HTR2C: variants seen among roughly 807,000 people sequenced by gnomAD.
The protein encoded by HTR2C is 5-hydroxytryptamine receptor 2C.
Under a neutral mutation model 21.0 loss-of-function variants are expected in HTR2C, and 5 were observed. The observed-to-expected ratio is 0.24, with a 90% CI of 0.12 to 0.50. The LOEUF (loss-of-function observed/expected upper bound fraction) is 0.50. Among genes scored for constraint, HTR2C ranks in the 20% least tolerant of loss-of-function variants. The pLI, the probability that HTR2C is intolerant of heterozygous loss-of-function variation, is 0.98. For synonymous variants in HTR2C, 150 were observed against 145.3 expected (o/e 1.03, Z -0.23); for missense variants, 271 against 371.2 (o/e 0.73, Z 2.22).
At chrX:114,717,622 A>G (rs1220959262) in intron 2 of HTR2C, 1 of 112,005 alleles carries the variant, frequency 8.9e-6, no homozygotes, top group Non-Finnish European at 1.9e-5. Flanking sequence ...GTGTGAGAGC[A>G]GAAAACGTGA....
At chrX:114,822,149 A>T (rs1226534809) in intron 4 of HTR2C, among the ~76,000 whole-genome samples, 1 of 111,740 alleles carries the variant, frequency 8.9e-6, no homozygotes, top group African/African-American at 3.2e-5. Context: ...GCCTGGCAAG[A>T]TTAAATATAC....
intron 2 of HTR2C, among the ~76,000 whole-genome samples, chrX:114,654,240 AC>A (rs1293926657): frequency 9.2e-6 from 1 of 108,362 alleles, no homozygotes; most frequent in Non-Finnish European, 1.9e-5. Flanking sequence ...AACTTAAAAA[AC>A]AATAAAATAA....
chrX:114,804,088 T>C (rs1365579889), intron 4 of HTR2C, among the ~76,000 whole-genome samples: 2 of 111,530 alleles, frequency 1.8e-5, no homozygotes, highest in Admixed American at 9.6e-5. Context: ...GGTGGGATAA[T>C]TGTAAAGCTG....
chrX:114,597,217 C>CTA (rs1569476320), intron 1 of HTR2C, among the ~76,000 whole-genome samples: 1 of 36,740 alleles, frequency 2.7e-5, no homozygotes, highest in African/African-American at 1.3e-4. Context: ...GATTTCATCT[C>CTA]CAAAAAAAAA....
At chrX:114,678,016 A>G (rs1299329379) in intron 2 of HTR2C, among the ~76,000 whole-genome samples, 1 of 110,660 alleles carries the variant, frequency 9.0e-6, no homozygotes, top group African/African-American at 3.3e-5. Context: ...CTGCTTTGAA[A>G]CAACGACATT....
chrX:114,588,514 G>A (rs1358160512), intron 1 of HTR2C, among the ~76,000 whole-genome samples: 1 of 111,840 alleles, frequency 8.9e-6, no homozygotes, highest in Non-Finnish European at 1.9e-5. Context: ...TGAGCTCAAT[G>A]TAAAAATAAA....
chrX:114,716,893 T>C (rs1933009570), intron 2 of HTR2C, among the ~76,000 whole-genome samples: 2 of 111,487 alleles, frequency 1.8e-5, no homozygotes, highest in South Asian at 7.5e-4. Context: ...TCATTTTTGA[T>C]TTAGACATCT....
Position 114,908,641 on chromosome X carries a change from G to C in HTR2C, c.*1226G>C, listed in dbSNP as rs1556487896. 8.9e-6 allele frequency: 1 copy of C among 112,745 alleles called. No individual in the cohort carries two copies. Among genetic ancestry groups the C allele is most frequent in the East Asian group, 2.8e-4 (1 of 3,581 alleles). 9.3% of individuals were successfully genotyped at this position (112,745 alleles called of 1,213,427 possible). A position where few individuals can be genotyped will look rare whatever the true frequency, so the allele number is the denominator to read the frequency against. The stretch of plus-strand genomic sequence containing the variant: ...TGCAGGAAAAGGCTGCAGCTAATTT[G>C]TGAAAGTGGCAAGCTCTTCATTGCA... On this transcript the variant is annotated 3_prime_UTR_variant, in exon 6 of 6. Coordinates refer to ENST00000276198, the MANE Select transcript of HTR2C (RefSeq NM_000868.4).
At chrX:114,659,881 A>G (rs1424001989) in intron 2 of HTR2C, among the ~76,000 whole-genome samples, 1 of 111,298 alleles carries the variant, frequency 9.0e-6, no homozygotes, top group Non-Finnish European at 1.9e-5. Flanking sequence ...CTGAGTGAAG[A>G]GTGTACAGGT....
intron 4 of HTR2C, among the ~76,000 whole-genome samples, chrX:114,766,769 G>A (rs782526032): frequency 1.1e-3 from 125 of 111,315 alleles, no homozygotes; most frequent in African/African-American, 3.6e-3. Context: ...CTTGTGTGCT[G>A]AAGTTTGTTT....
chrX:114,760,202 A>G (rs2069852121), intron 4 of HTR2C, among the ~76,000 whole-genome samples: 1 of 111,854 alleles, frequency 8.9e-6, no homozygotes, highest in Non-Finnish European at 1.9e-5. Flanking sequence ...TTGCAGGATT[A>G]AACTACAATT....
At chrX:114,616,598 A>G (rs1289634098) in intron 2 of HTR2C, among the ~76,000 whole-genome samples, 1 of 101,407 alleles carries the variant, frequency 9.9e-6, no homozygotes, top group Non-Finnish European at 2.0e-5. Context: ...TTTAAGCTAT[A>G]TAATTCAATA....
At chrX:114,891,728 T>C (rs1556482842) in intron 5 of HTR2C, among the ~76,000 whole-genome samples, 1 of 110,787 alleles carries the variant, frequency 9.0e-6, no homozygotes. Context: ...AAATTCATGC[T>C]GTATGTCCTG....
intron 4 of HTR2C, among the ~76,000 whole-genome samples, chrX:114,797,681 C>T (rs1269364359): frequency 1.8e-5 from 2 of 111,861 alleles, no homozygotes; most frequent in African/African-American, 6.5e-5. Flanking sequence ...AAGTTGGCAA[C>T]AAGTATTTAA....
chrX:114,793,314 A>G (rs899433347), intron 4 of HTR2C, among the ~76,000 whole-genome samples: 1 of 111,302 alleles, frequency 9.0e-6, no homozygotes, highest in Non-Finnish European at 1.9e-5. Flanking sequence ...ATTTTGCACC[A>G]TCTTTAAAAA....
intron 2 of HTR2C, among the ~76,000 whole-genome samples, chrX:114,694,434 AATATATAT>A (rs782501990): frequency 9.5e-4 from 87 of 91,822 alleles, no homozygotes; most frequent in African/African-American, 1.8e-3. Flanking sequence ...TCCTCAACTA[AATATATAT>A]ATATATATAT....
At chrX:114,873,646 A>G (rs952667704) in intron 5 of HTR2C, among the ~76,000 whole-genome samples, 2 of 111,741 alleles carry the variant, frequency 1.8e-5, no homozygotes, top group Non-Finnish European at 3.8e-5. Context: ...TTTTCTGTCC[A>G]GCTTTAAGAT....
chrX:114,611,101 C>T (rs1001141363), intron 1 of HTR2C, among the ~76,000 whole-genome samples: 2 of 111,900 alleles, frequency 1.8e-5, no homozygotes, highest in African/African-American at 6.5e-5. Context: ...TTAAATATCT[C>T]AATCTTCCCC....
At position 114,868,676 on chromosome X, in the gene HTR2C, C is replaced by T. The variant is rs192820117; in HGVS notation, c.550+20473C>T. Among the ~76,000 whole-genome samples, 9 of 111,619 alleles carry T rather than the reference C, an allele frequency of 8.1e-5. No individual in the cohort carries two copies. The East Asian group carries it at 2.5e-3, about 32-fold the overall frequency. On this transcript the variant is annotated intron_variant, in intron 5 of 5. Coordinates refer to ENST00000276198, the MANE Select transcript of HTR2C (RefSeq NM_000868.4). ...TACTGGTGCTGTTATTTCTTCGGGA[C>T]AGTCCAAAATCTTATGATACATGTT...
Sources: gnomAD v4.1 joint callset for allele counts (sites outside exome capture counted in the v4.1 genomes callset) on GRCh38, gnomAD v4.1.1 for gene constraint, MANE v1.5 for transcripts, NCBI Gene and HGNC (gene_info 2026-07-23, HGNC 2026-07-21) for gene names.